Variants in CORO2B observed in about 807,000 individuals in gnomAD.
CORO2B encodes coronin 2B.
In CORO2B, 26 loss-of-function variants were observed where a neutral mutation model predicts 58.8. The observed-to-expected ratio is 0.44, with a 90% confidence interval of 0.32 to 0.61. CORO2B has a LOEUF of 0.61. CORO2B is among the 20% of genes least tolerant of loss of function. CORO2B has a pLI of 0.04. For synonymous variants in CORO2B, 242 were observed against 253.8 expected, an observed-to-expected ratio of 0.95 and a Z score of 0.44; for missense variants, 460 against 645.1, an observed-to-expected ratio of 0.71 and a Z score of 3.11.
At chr15:68,617,249 TGAG>T (rs1403969492) in intron 1 of CORO2B, among the ~76,000 whole-genome samples, 2 of 152,160 alleles carry the variant, frequency 1.3e-5, no homozygotes, top group African/African-American at 2.4e-5. Flanking sequence ...CCAGAGGCAA[TGAG>T]GAGGAGACAG....
At chr15:68,697,436 G>C (rs1331429326) in intron 3 of CORO2B, among the ~76,000 whole-genome samples, 1 of 152,180 alleles carries the variant, frequency 6.6e-6, no homozygotes, top group Non-Finnish European at 1.5e-5. Context: ...AAGAAAGAAA[G>C]ATTCACAGTA....
Position 68,726,340 on chromosome 15 carries a change from C to T in CORO2B, c.*366C>T, listed in dbSNP as rs74022705. The T allele has an allele frequency of 0.058, 17,173 of 295,624 alleles. 1,036 individuals carry two copies. Among genetic ancestry groups the T allele is most frequent in the African/African-American group, 0.19 (8,282 of 42,978 alleles). 18.3% of individuals were successfully genotyped at this position (295,624 alleles called of 1,614,324 possible). ...CTAGACTTAGAACTTGGACTTTTCCCCTGTGAAGGGGGCTGCCAGGACATC... is the reference window on the plus strand; with the variant it reads ...CTAGACTTAGAACTTGGACTTTTCCTCTGTGAAGGGGGCTGCCAGGACATC... On this transcript the variant is annotated 3_prime_UTR_variant, in exon 12 of 12. Transcript: ENST00000261861.
At chr15:68,689,746 TACAA>T (rs1289711919) in intron 2 of CORO2B, among the ~76,000 whole-genome samples, 2 of 152,252 alleles carry the variant, frequency 1.3e-5, no homozygotes, top group Non-Finnish European at 2.9e-5. Flanking sequence ...TTTAAAAATT[TACAA>T]TCAGCTTCCT....
chr15:68,599,232 C>T (rs910056836), intron 1 of CORO2B, among the ~76,000 whole-genome samples: 8 of 152,194 alleles, frequency 5.3e-5, no homozygotes, highest in African/African-American at 1.9e-4. Context: ...CTGATCTCTC[C>T]TTGCTCCAAA....
chr15:68,580,250 TGGCG>T (rs1420491865), intron 1 of CORO2B, among the ~76,000 whole-genome samples: 1 of 152,242 alleles, frequency 6.6e-6, no homozygotes, highest in Non-Finnish European at 1.5e-5. Flanking sequence ...GCTCACAGTC[TGGCG>T]GTGGCCTCGG....
At chr15:68,561,476 T>C in the CORO2B span, among the ~76,000 whole-genome samples, 1 of 150,574 alleles carries the variant, frequency 6.6e-6, no homozygotes, top group Non-Finnish European at 1.5e-5. Flanking sequence ...TCCAGCTAAC[T>C]GGGGCCCAGC....
chr15:68,611,806 C>T (rs1482871985), intron 1 of CORO2B, among the ~76,000 whole-genome samples: 25 of 149,298 alleles, frequency 1.7e-4, no homozygotes, highest in Admixed American at 6.7e-4. Context: ...AGATCTTACT[C>T]TGTCACCCAG....
intron 1 of CORO2B, among the ~76,000 whole-genome samples, chr15:68,594,693 G>A (rs527349209): frequency 7.1e-4 from 108 of 152,246 alleles, no homozygotes; most frequent in African/African-American, 2.6e-3. Context: ...CCATGTCTGC[G>A]AGCCAATGAG....
the CORO2B span, among the ~76,000 whole-genome samples, chr15:68,540,288 ACATCACGACC>A: frequency 6.6e-6 from 1 of 152,252 alleles, no homozygotes; most frequent in East Asian, 1.9e-4. Context: ...ACATTACTTA[ACATCACGACC>A]CATCACAATG....
intron 2 of CORO2B, among the ~76,000 whole-genome samples, chr15:68,651,985 C>G (rs1265833092): frequency 2.6e-5 from 4 of 152,242 alleles, no homozygotes; most frequent in East Asian, 1.9e-4. Flanking sequence ...CTCTCAAGTT[C>G]CAGCAAACTC....
intron 3 of CORO2B, among the ~76,000 whole-genome samples, chr15:68,709,459 G>GTTTT (rs57604810): frequency 1.0e-5 from 1 of 99,078 alleles, no homozygotes; most frequent in African/African-American, 3.6e-5. Flanking sequence ...TTTTTTTCGT[G>GTTTT]TTTTTTTTTT....
chr15:68,548,412 T>G, the CORO2B span, among the ~76,000 whole-genome samples: 1 of 152,070 alleles, frequency 6.6e-6, no homozygotes, highest in South Asian at 2.1e-4. Flanking sequence ...TGTTTAACCA[T>G]CAGCTGTCTT....
chr15:68,574,715 T>A (rs1326708324), upstream of CORO2B, among the ~76,000 whole-genome samples: 4 of 152,146 alleles, frequency 2.6e-5, no homozygotes, highest in Admixed American at 2.6e-4. Flanking sequence ...AGAAACAACA[T>A]AATTAGAGCC....
rs377268193 is a variant in CORO2B at position 68,583,112 on chromosome 15, G to C, written c.15+3835G>C. 2.6e-5 allele frequency among the ~76,000 whole-genome samples: 4 copies of C among 152,238 alleles called. 1 individual carries two copies. ...TTCTGCAGGCAGCCTTCCCTCTCCT[G>C]CCTCAGCTCCAGCAGGGCACAGCCT... On this transcript the variant is annotated intron_variant, in intron 1 of 11. Coordinates refer to ENST00000261861, the MANE Select transcript of CORO2B (RefSeq NM_006091.5).
chr15:68,657,977 C>A (rs536759276), intron 2 of CORO2B, among the ~76,000 whole-genome samples: 8 of 152,302 alleles, frequency 5.3e-5, no homozygotes, highest in Non-Finnish European at 7.4e-5. Context: ...GGGGAGGGAG[C>A]AATGCAATAG....
At chr15:68,653,057 A>G (rs79940684) in intron 2 of CORO2B, among the ~76,000 whole-genome samples, 3 of 152,142 alleles carry the variant, frequency 2.0e-5, no homozygotes, top group Non-Finnish European at 2.9e-5. Flanking sequence ...CAAACTCCAT[A>G]CAAGTGCAGC....
At chr15:68,552,958 G>A in the CORO2B span, among the ~76,000 whole-genome samples, 6 of 152,206 alleles carry the variant, frequency 3.9e-5, no homozygotes, top group Admixed American at 2.6e-4. Context: ...AGAAGCCAGG[G>A]AGACAGACAT....
chr15:68,702,271 T>G (rs1256143033), intron 3 of CORO2B, among the ~76,000 whole-genome samples: 1 of 152,160 alleles, frequency 6.6e-6, no homozygotes, highest in Non-Finnish European at 1.5e-5. Flanking sequence ...CATTTCCTTA[T>G]CTGTGCAAGG....
intron 1 of CORO2B, among the ~76,000 whole-genome samples, chr15:68,586,838 C>G (rs575963643): frequency 6.6e-6 from 1 of 152,114 alleles, no homozygotes; most frequent in Non-Finnish European, 1.5e-5. Flanking sequence ...ACGGAGCCTC[C>G]TTGGGCTGTG....
Sources: gnomAD v4.1 joint callset for allele counts (sites outside exome capture counted in the v4.1 genomes callset) on GRCh38, gnomAD v4.1.1 for gene constraint, MANE v1.5 for transcripts, NCBI Gene and HGNC (gene_info 2026-07-23, HGNC 2026-07-21) for gene names.